Variants in PRKN observed in about 807,000 individuals in gnomAD.
The protein encoded by PRKN is E3 ubiquitin-protein ligase parkin.
PRKN carries 56 observed loss-of-function variants against 59.5 expected under a neutral mutation model. The observed-to-expected ratio is 0.94, with a 90% CI of 0.76 to 1.18. PRKN has a LOEUF of 1.18. Among genes scored for constraint, PRKN ranks in the 50% most tolerant of loss-of-function variants. The pLI, the probability that PRKN is intolerant of heterozygous loss-of-function variation, is 0.00. For synonymous variants in PRKN, 250 were observed against 222.1 expected, an observed-to-expected ratio of 1.13 and a Z score of -1.12; for missense variants, 657 against 596.4, an observed-to-expected ratio of 1.10 and a Z score of -1.06.
chr6:162,385,587 C>A (rs540910737), intron 2 of PRKN, among the ~76,000 whole-genome samples: 1 of 151,996 alleles, frequency 6.6e-6, no homozygotes, highest in South Asian at 2.1e-4. Flanking sequence ...CTTGACTGCG[C>A]GCTATTTCAG....
At chr6:162,428,385 G>C (rs948915627) in intron 2 of PRKN, among the ~76,000 whole-genome samples, 1 of 151,992 alleles carries the variant, frequency 6.6e-6, no homozygotes, top group African/African-American at 2.4e-5. Flanking sequence ...AAACACTGAG[G>C]CTCAAATTTA....
At chr6:161,667,103 A>G (rs1157714838) in intron 7 of PRKN, among the ~76,000 whole-genome samples, 1 of 152,236 alleles carries the variant, frequency 6.6e-6, no homozygotes, top group African/African-American at 2.4e-5. Flanking sequence ...GCAGCCCTGC[A>G]GAAACACTAG....
At chr6:161,680,775 A>T (rs6931549) in intron 7 of PRKN, among the ~76,000 whole-genome samples, 7,748 of 28,684 alleles carry the variant, frequency 0.27, 1,058 homozygotes, top group African/African-American at 0.49. Flanking sequence ...ATATATATAT[A>T]TTTTTTTTTT....
At chr6:161,794,585 T>A (rs1346133248) in intron 6 of PRKN, among the ~76,000 whole-genome samples, 1 of 152,162 alleles carries the variant, frequency 6.6e-6, no homozygotes, top group Admixed American at 6.5e-5. Flanking sequence ...AGGTTTTTCT[T>A]CTATCTTTTG....
chr6:161,426,555 G>C (rs1788366431), intron 9 of PRKN, among the ~76,000 whole-genome samples: 1 of 151,680 alleles, frequency 6.6e-6, no homozygotes, highest in Admixed American at 6.6e-5. Flanking sequence ...TTGGGACTCA[G>C]ACTGGCTCTC....
At chr6:162,276,188 A>G (rs976884914) in intron 2 of PRKN, among the ~76,000 whole-genome samples, 16 of 152,310 alleles carry the variant, frequency 1.1e-4, no homozygotes, top group African/African-American at 3.9e-4. Context: ...ACCGAGGAGT[A>G]GAGGGTTTTA....
intron 11 of PRKN, among the ~76,000 whole-genome samples, chr6:161,358,788 CTT>C (rs34428983): frequency 1.5e-5 from 1 of 67,816 alleles, no homozygotes; most frequent in Non-Finnish European, 2.6e-5. Context: ...GCCTTCTGCT[CTT>C]TTTTTTTTTT....
intron 6 of PRKN, among the ~76,000 whole-genome samples, chr6:161,813,423 G>A (rs936911239): frequency 6.6e-6 from 1 of 152,140 alleles, no homozygotes; most frequent in African/African-American, 2.4e-5. Flanking sequence ...GGTGGGACTC[G>A]GGGTAGCTGA....
intron 4 of PRKN, among the ~76,000 whole-genome samples, chr6:162,071,287 C>T (rs963400670): frequency 6.6e-6 from 1 of 151,104 alleles, no homozygotes; most frequent in Non-Finnish European, 1.5e-5. Context: ...AGCCTCATCT[C>T]TTGTCACTCT....
intron 4 of PRKN, among the ~76,000 whole-genome samples, chr6:162,146,159 T>A (rs897007702): frequency 1.3e-5 from 2 of 152,078 alleles, no homozygotes; most frequent in African/African-American, 4.8e-5. Context: ...CAACTGATTA[T>A]CTCTTTTTCT....
chr6:162,339,080 G>A (rs1784002318), intron 2 of PRKN, among the ~76,000 whole-genome samples: 1 of 148,646 alleles, frequency 6.7e-6, no homozygotes, highest in Non-Finnish European at 1.5e-5. Context: ...GAGAAGTGAG[G>A]AGCCCCTCCG....
intron 1 of PRKN, among the ~76,000 whole-genome samples, chr6:162,495,860 C>T (rs1022755677): frequency 6.0e-4 from 92 of 152,310 alleles, no homozygotes; most frequent in African/African-American, 2.1e-3. Flanking sequence ...ACAGCCGGTC[C>T]GGGGTCACCA....
At chr6:162,471,176 CA>C (rs1387604449) in intron 1 of PRKN, among the ~76,000 whole-genome samples, 1 of 152,196 alleles carries the variant, frequency 6.6e-6, no homozygotes, top group East Asian at 1.9e-4. Context: ...TGGCTCACCG[CA>C]ACATCCACCT....
chr6:161,773,835 G>T (rs966828790), intron 7 of PRKN, among the ~76,000 whole-genome samples: 5 of 152,150 alleles, frequency 3.3e-5, no homozygotes, highest in Admixed American at 2.0e-4. Context: ...AAAAGAAGAA[G>T]AAGAAGGGGA....
chr6:162,434,379 C>T (rs1050556403), intron 2 of PRKN, among the ~76,000 whole-genome samples: 10 of 152,144 alleles, frequency 6.6e-5, no homozygotes, highest in African/African-American at 2.4e-4. Flanking sequence ...GATCTTTCAG[C>T]CCATCCTTCT....
intron 2 of PRKN, among the ~76,000 whole-genome samples, chr6:162,364,973 CTCTCTCTT>C (rs1279645778): frequency 1.4e-5 from 2 of 145,086 alleles, no homozygotes; most frequent in African/African-American, 5.3e-5. Context: ...CTCTCTCTCT[CTCTCTCTT>C]TTTTTTTTTT....
chr6:162,378,812 A>C (rs1476511598), intron 2 of PRKN, among the ~76,000 whole-genome samples: 1 of 152,204 alleles, frequency 6.6e-6, no homozygotes, highest in Non-Finnish European at 1.5e-5. Flanking sequence ...GGAGCCTCTA[A>C]TGGGGCATTT....
chr6:161,449,484 G>C (rs1010683011), intron 9 of PRKN, among the ~76,000 whole-genome samples: 1 of 152,280 alleles, frequency 6.6e-6, no homozygotes, highest in African/African-American at 2.4e-5. Flanking sequence ...CGTACTCAGG[G>C]CCGTAATATG....
At chr6:161,633,010 T>C (rs1183705573) in intron 7 of PRKN, among the ~76,000 whole-genome samples, 1 of 152,246 alleles carries the variant, frequency 6.6e-6, no homozygotes, top group Non-Finnish European at 1.5e-5. Context: ...TGTCTCTCTC[T>C]GTTAGACCTA....
Sources: allele counts gnomAD v4.1 joint callset (sites outside exome capture counted in the v4.1 genomes callset), GRCh38; gene constraint gnomAD v4.1.1; transcripts MANE v1.5; gene names NCBI Gene and HGNC (gene_info 2026-07-23, HGNC 2026-07-21).